MEGF10: variants seen among roughly 807,000 people sequenced by gnomAD.
MEGF10 encodes multiple EGF like domains 10.
Under a neutral mutation model 147.5 loss-of-function variants are expected in MEGF10, and 86 were observed. The observed-to-expected ratio is 0.58, with a 90% CI of 0.49 to 0.70. The LOEUF (loss-of-function observed/expected upper bound fraction) is 0.70, where lower values mean the gene tolerates loss of function less well. MEGF10 is among the 30% of genes least tolerant of loss of function. The probability of loss-of-function intolerance (pLI) is 0.00; values close to 1 mark genes in which losing one functional copy is unlikely to be tolerated. For missense variants in MEGF10, 1,329 were observed against 1,487.3 expected (o/e 0.89, Z 1.75); for synonymous variants, 478 against 525.5 (o/e 0.91, Z 1.24).
intron 24 of MEGF10, among the ~76,000 whole-genome samples, chr5:127,456,432 T>G (rs562972979): frequency 6.6e-6 from 1 of 152,232 alleles, no homozygotes; most frequent in Non-Finnish European, 1.5e-5. Flanking sequence ...TTTCTCTCTC[T>G]CTCTCTGTCT....
chr5:127,294,873 C>T (rs1190110947), intron 1 of MEGF10, among the ~76,000 whole-genome samples: 2 of 150,690 alleles, frequency 1.3e-5, no homozygotes, highest in Admixed American at 1.3e-4. Context: ...GACAGAATAT[C>T]CTAAGAGGAC....
chr5:127,393,941 C>T (rs960525998), intron 5 of MEGF10, among the ~76,000 whole-genome samples: 5 of 151,470 alleles, frequency 3.3e-5, no homozygotes, highest in Non-Finnish European at 5.9e-5. Context: ...AAAATCAGTT[C>T]TGTCCCCTCA....
At chr5:127,233,556 G>A in the MEGF10 span, among the ~76,000 whole-genome samples, 1 of 152,196 alleles carries the variant, frequency 6.6e-6, no homozygotes, top group Non-Finnish European at 1.5e-5. Flanking sequence ...CAAATTAATA[G>A]TTCAATAAAT....
At chr5:127,436,821 CTG>C (rs1765565395) in intron 16 of MEGF10, among the ~76,000 whole-genome samples, 2 of 152,182 alleles carry the variant, frequency 1.3e-5, no homozygotes, top group Admixed American at 1.3e-4. Flanking sequence ...CTTATGGACT[CTG>C]TGGAACCATC....
intron 1 of MEGF10, among the ~76,000 whole-genome samples, chr5:127,321,596 G>A (rs561164990): frequency 6.6e-6 from 1 of 152,246 alleles, no homozygotes; most frequent in East Asian, 1.9e-4. Context: ...TTTGAGGAAA[G>A]GAAGGCTTAA....
the MEGF10 span, among the ~76,000 whole-genome samples, chr5:127,260,249 T>A: frequency 6.6e-6 from 1 of 152,104 alleles, no homozygotes; most frequent in African/African-American, 2.4e-5. Context: ...GCTGTGTTGA[T>A]CCAACATGTT....
At chr5:127,381,975 C>T (rs1437589170) in intron 5 of MEGF10, among the ~76,000 whole-genome samples, 1 of 152,152 alleles carries the variant, frequency 6.6e-6, no homozygotes, top group East Asian at 1.9e-4. Context: ...CCAGCCTGTT[C>T]TGGTTTATTT....
At position 127,358,130 on chromosome 5, in the gene MEGF10, C is replaced by T. The variant is rs149089459; in HGVS notation, c.320-11780C>T. ...TACATTTGAATTAAGACTTTCATAC[C>T]GAAATGCAAAGGTTCCTGACAAGGG... On this transcript the variant is annotated intron_variant, in intron 4 of 24. Coordinates refer to ENST00000503335, the MANE Select transcript of MEGF10 (RefSeq NM_001256545.2). Among the ~76,000 whole-genome samples the T allele has an allele frequency of 1.9e-3, 295 of 152,196 alleles. 1 individual carries two copies. Among genetic ancestry groups the T allele is most frequent in the African/African-American group, 6.7e-3 (280 of 41,522 alleles).
chr5:127,452,356 A>G (rs1268450456), intron 22 of MEGF10, among the ~76,000 whole-genome samples: 2 of 152,232 alleles, frequency 1.3e-5, no homozygotes, highest in African/African-American at 2.4e-5. Flanking sequence ...AAAGAGGAGC[A>G]TAGACAGAGC....
chr5:127,328,734 G>A (rs144145986), intron 1 of MEGF10, among the ~76,000 whole-genome samples: 384 of 151,676 alleles, frequency 2.5e-3, no homozygotes, highest in African/African-American at 9.0e-3. Flanking sequence ...TTTCCAATTT[G>A]GGGTAATTGT....
At chr5:127,451,737 A>G (rs1766161924) in intron 22 of MEGF10, among the ~76,000 whole-genome samples, 1 of 152,194 alleles carries the variant, frequency 6.6e-6, no homozygotes, top group Non-Finnish European at 1.5e-5. Flanking sequence ...GGAACCTAGG[A>G]TCTTCATTGG....
the MEGF10 span, among the ~76,000 whole-genome samples, chr5:127,239,184 T>A: frequency 6.6e-6 from 1 of 151,836 alleles, no homozygotes; most frequent in South Asian, 2.1e-4. Flanking sequence ...AGAGACAGGA[T>A]AACAAAATAA....
the MEGF10 span, among the ~76,000 whole-genome samples, chr5:127,251,872 A>G: frequency 6.6e-6 from 1 of 152,028 alleles, no homozygotes; most frequent in Non-Finnish European, 1.5e-5. Context: ...CAGCCTGGAT[A>G]TATATTTGCA....
chr5:127,407,983 G>C (rs1764398879), intron 8 of MEGF10, among the ~76,000 whole-genome samples: 1 of 152,164 alleles, frequency 6.6e-6, no homozygotes, highest in Admixed American at 6.5e-5. Context: ...CTTAAATAAT[G>C]GCTGCTTTAG....
At chr5:127,390,972 A>G (rs1216504200) in intron 5 of MEGF10, among the ~76,000 whole-genome samples, 1 of 152,158 alleles carries the variant, frequency 6.6e-6, no homozygotes, top group East Asian at 1.9e-4. Flanking sequence ...GAGTTAATCT[A>G]TCACGATGCT....
At chr5:127,333,756 G>A (rs186098408) in intron 2 of MEGF10, among the ~76,000 whole-genome samples, 1 of 152,228 alleles carries the variant, frequency 6.6e-6, no homozygotes, top group Admixed American at 6.5e-5. Flanking sequence ...CTTCTGATAG[G>A]AAACGAAATG....
intron 2 of MEGF10, among the ~76,000 whole-genome samples, chr5:127,338,071 A>G (rs1212989931): frequency 6.6e-6 from 1 of 152,140 alleles, no homozygotes; most frequent in Non-Finnish European, 1.5e-5. Context: ...TTGTGAGGCT[A>G]GCACCACATA....
chr5:127,257,322 A>AT, the MEGF10 span, among the ~76,000 whole-genome samples: 7 of 151,948 alleles, frequency 4.6e-5, no homozygotes, highest in Non-Finnish European at 1.0e-4. Context: ...AAAAAAAAAA[A>AT]AAAGCTTTCT....
the MEGF10 span, among the ~76,000 whole-genome samples, chr5:127,241,047 A>G: frequency 6.6e-6 from 1 of 152,150 alleles, no homozygotes; most frequent in Non-Finnish European, 1.5e-5. Flanking sequence ...CTATATGTAC[A>G]TATTTAATTA....
Sources: gnomAD v4.1 joint callset for allele counts (sites outside exome capture counted in the v4.1 genomes callset) on GRCh38, gnomAD v4.1.1 for gene constraint, MANE v1.5 for transcripts, NCBI Gene and HGNC (gene_info 2026-07-23, HGNC 2026-07-21) for gene names.